The following ZNF609 variants were observed in gnomAD, a reference collection of about 807,000 sequenced individuals.
The protein encoded by ZNF609 is zinc finger protein 609.
A neutral mutation model predicts 109.5 loss-of-function variants in ZNF609; 11 were observed. The ratio of observed to expected loss-of-function variants is 0.10; its 90% CI spans 0.06 to 0.17. ZNF609 has a LOEUF of 0.17. Ranked by LOEUF, ZNF609 falls within the 10% of genes least tolerant of loss-of-function variation. The probability of loss-of-function intolerance (pLI) is 1.00; values close to 1 mark genes in which losing one functional copy is unlikely to be tolerated. For missense variants in ZNF609, 1,559 were observed against 1,772.4 expected (o/e 0.88, Z 2.16); for synonymous variants, 646 against 662.0 (o/e 0.98, Z 0.37).
intron 2 of ZNF609, among the ~76,000 whole-genome samples, chr15:64,591,458 GCCT>G (rs1220166011): frequency 6.6e-6 from 1 of 150,850 alleles, no homozygotes; most frequent in Non-Finnish European, 1.5e-5. Flanking sequence ...AACAAAAACA[GCCT>G]CCTCAACAAA....
intron 1 of ZNF609, among the ~76,000 whole-genome samples, chr15:64,495,651 C>CTGGG (rs996217720): frequency 8.5e-5 from 13 of 152,106 alleles, no homozygotes; most frequent in African/African-American, 3.1e-4. Flanking sequence ...ATCCACCCAC[C>CTGGG]TGGGCCTCCA....
chr15:64,607,350 G>A (rs1895620223), intron 2 of ZNF609, among the ~76,000 whole-genome samples: 1 of 152,028 alleles, frequency 6.6e-6, no homozygotes, highest in South Asian at 2.1e-4. Flanking sequence ...TATATTCTAT[G>A]TAAGGCTGAT....
At chr15:64,517,715 G>A (rs914265486) in intron 2 of ZNF609, among the ~76,000 whole-genome samples, 1 of 151,770 alleles carries the variant, frequency 6.6e-6, no homozygotes, top group African/African-American at 2.4e-5. Flanking sequence ...AAAAATAAAA[G>A]TTAAATGGAT....
At chr15:64,483,615 A>C (rs1402662143) in intron 1 of ZNF609, among the ~76,000 whole-genome samples, 1 of 151,554 alleles carries the variant, frequency 6.6e-6, no homozygotes, top group African/African-American at 2.4e-5. Context: ...TGAACTCCTG[A>C]GCTCAGATGA....
chr15:64,526,092 G>GT (rs1396686822), intron 2 of ZNF609, among the ~76,000 whole-genome samples: 2 of 143,364 alleles, frequency 1.4e-5, no homozygotes, highest in Non-Finnish European at 3.0e-5. Context: ...GCTCAGCCCT[G>GT]TTTTTTCTTT....
intron 2 of ZNF609, among the ~76,000 whole-genome samples, chr15:64,579,805 A>T (rs1018110654): frequency 6.6e-6 from 1 of 152,220 alleles, no homozygotes; most frequent in Non-Finnish European, 1.5e-5. Context: ...ATCAACACAT[A>T]TTATAAATAT....
chr15:64,529,009 G>T, intron 2 of ZNF609: 1 of 1,508,518 alleles, frequency 6.6e-7, no homozygotes, highest in Non-Finnish European at 9.1e-7. Context: ...GTTCAGCTCA[G>T]GGATGACCTT....
At chr15:64,669,758 C>T (rs1896699604) in intron 3 of ZNF609, among the ~76,000 whole-genome samples, 1 of 152,166 alleles carries the variant, frequency 6.6e-6, no homozygotes, top group Non-Finnish European at 1.5e-5. Flanking sequence ...AACTCCACCT[C>T]CTGGGTTCAA....
At chr15:64,466,641 G>A (rs1240271164) in intron 1 of ZNF609, among the ~76,000 whole-genome samples, 3 of 152,196 alleles carry the variant, frequency 2.0e-5, no homozygotes, top group Non-Finnish European at 4.4e-5. Context: ...GAAGTCTAGC[G>A]ACAGCAGTTA....
At chr15:64,592,903 A>G (rs1895325534) in intron 2 of ZNF609, 1 of 722,012 alleles carries the variant, frequency 1.4e-6, no homozygotes, top group Non-Finnish European at 2.3e-6. Flanking sequence ...ACAGAGCAAG[A>G]CTCTTGTCTC....
intron 3 of ZNF609, among the ~76,000 whole-genome samples, chr15:64,636,271 T>A (rs1300494315): frequency 1.3e-5 from 2 of 152,208 alleles, no homozygotes; most frequent in Admixed American, 6.5e-5. Flanking sequence ...TGCTTACTCC[T>A]GCCAGATCCT....
intron 2 of ZNF609, among the ~76,000 whole-genome samples, chr15:64,596,394 T>C (rs1043294243): frequency 6.6e-6 from 1 of 152,132 alleles, no homozygotes; most frequent in Admixed American, 6.5e-5. Flanking sequence ...GACCTTGTGA[T>C]CTGGCCAACT....
chr15:64,521,447 AGAG>A (rs1449629243), intron 2 of ZNF609, among the ~76,000 whole-genome samples: 2 of 151,902 alleles, frequency 1.3e-5, no homozygotes, highest in Non-Finnish European at 2.9e-5. Flanking sequence ...CATTTCCCTG[AGAG>A]GAGGATTTTT....
At chr15:64,568,632 T>C (rs900320925) in intron 2 of ZNF609, among the ~76,000 whole-genome samples, 2 of 152,170 alleles carry the variant, frequency 1.3e-5, no homozygotes, top group African/African-American at 4.8e-5. Context: ...TCAGTAAGAG[T>C]ATTCAGTGTT....
In ZNF609 at chr15:64,565,962, C is replaced by T. The variant is rs140679105; in HGVS notation, c.748-56865C>T. Among the ~76,000 whole-genome samples the T allele has an allele frequency of 5.5e-3, 832 of 152,268 alleles. 8 individuals carry two copies. The highest frequency in any genetic ancestry group is 0.024 in the Middle Eastern group (7 of 294). Reference sequence around the variant, plus strand: ...CTCCTGGGCTCAAGCAACCCTTCCACATCAACCTCTTGAGTAGCTGGAACT... The same window carrying T: ...CTCCTGGGCTCAAGCAACCCTTCCATATCAACCTCTTGAGTAGCTGGAACT... On this transcript the variant is annotated intron_variant, in intron 2 of 9. Coordinates refer to ENST00000326648, the MANE Select transcript of ZNF609 (RefSeq NM_015042.2).
At chr15:64,553,341 T>C (rs1198584839) in intron 2 of ZNF609, among the ~76,000 whole-genome samples, 2 of 151,870 alleles carry the variant, frequency 1.3e-5, no homozygotes, top group African/African-American at 4.8e-5. Context: ...ATGGAGAGAA[T>C]TGCCATCTTA....
At chr15:64,645,673 A>G (rs1297424767) in intron 3 of ZNF609, among the ~76,000 whole-genome samples, 2 of 152,208 alleles carry the variant, frequency 1.3e-5, no homozygotes, top group East Asian at 3.9e-4. Flanking sequence ...GAACTCCTAC[A>G]GATCAACAAT....
intron 1 of ZNF609, among the ~76,000 whole-genome samples, chr15:64,464,930 A>T (rs1892990829): frequency 6.6e-6 from 1 of 152,168 alleles, no homozygotes; most frequent in African/African-American, 2.4e-5. Context: ...GTGAAATTGC[A>T]CTTTGTTTCA....
At position 64,674,330 on chromosome 15, in the gene ZNF609, C is replaced by T. The variant is rs138233871; in HGVS notation, c.1476C>T (p.Pro492=). The stretch of plus-strand genomic sequence containing the variant: ...TTCTGGACAGAAACTGCCCCTCCCC[C>T]GTCCTAATTGACTGTCCCCACCCAA... ...PTVLDRNCPS[P]VLIDCPHPNC... Residue 492 remains proline, a synonymous_variant, in exon 5 of 10, where the codon CCC becomes CCT. Transcript: ENST00000326648. 1.8e-4 allele frequency: 284 copies of T among 1,614,024 alleles called. No individual in the cohort carries two copies. The highest frequency in any genetic ancestry group is 2.3e-4 in the Non-Finnish European group (266 of 1,180,046).
Sources: gnomAD v4.1 joint callset for allele counts (sites outside exome capture counted in the v4.1 genomes callset) on GRCh38, gnomAD v4.1.1 for gene constraint, MANE v1.5 for transcripts, NCBI Gene and HGNC (gene_info 2026-07-23, HGNC 2026-07-21) for gene names.